The following MAPK6 variants were observed in gnomAD, a reference collection of about 807,000 sequenced individuals.
MAPK6 encodes the protein mitogen-activated protein kinase 6.
In MAPK6, 19 loss-of-function variants were observed where a neutral mutation model predicts 59.3. The ratio of observed to expected loss-of-function variants is 0.32; its 90% CI spans 0.22 to 0.47. The LOEUF is 0.47. Among genes scored for constraint, MAPK6 ranks in the 20% least tolerant of loss-of-function variants. The pLI, the probability that MAPK6 is intolerant of heterozygous loss-of-function variation, is 1.00. For missense variants in MAPK6, 724 were observed against 847.9 expected (o/e 0.85, Z 1.81); for synonymous variants, 316 against 290.3 (o/e 1.09, Z -0.90).
chr15:52,059,502 A>T (rs2032114745), intron 4 of MAPK6, among the ~76,000 whole-genome samples: 1 of 152,176 alleles, frequency 6.6e-6, no homozygotes, highest in African/African-American at 2.4e-5. Context: ...GGGTGTCTGC[A>T]TACCCTCTCT....
chr15:52,000,986 A>T (rs57550676), intron 2 of MAPK6, among the ~76,000 whole-genome samples: 16,860 of 152,012 alleles, frequency 0.11, 1,464 homozygotes, highest in East Asian at 0.43. Context: ...CTTGTTGAAA[A>T]TCCATTGCCC....
intron 2 of MAPK6, among the ~76,000 whole-genome samples, 173 bp downstream of exon 2, chr15:52,047,188 A>C (rs1174435183): frequency 3.3e-5 from 5 of 152,196 alleles, no homozygotes; most frequent in Non-Finnish European, 5.9e-5. Flanking sequence ...GAGTGGGATA[A>C]TTAAATACAA....
intron 1 of MAPK6, among the ~76,000 whole-genome samples, chr15:51,972,513 T>G (rs2057135933): frequency 8.4e-6 from 1 of 118,450 alleles, no homozygotes; most frequent in Non-Finnish European, 1.8e-5. Flanking sequence ...AACAAACAGC[T>G]TTTTTAAGCT....
At chr15:52,055,883 AAAAATAATTGGATTTGTTTTAAAACTCTT>A (rs1379521277) in intron 3 of MAPK6, among the ~76,000 whole-genome samples, 1 of 152,230 alleles carries the variant, frequency 6.6e-6, no homozygotes. Flanking sequence ...ATATAGGAAT[AAAAATAATTGGATTTGTTTTAAAACTCTT>A]AAGTAGCATA....
chr15:52,010,722 T>G (rs974804407), intron 3 of MAPK6, among the ~76,000 whole-genome samples: 4 of 152,112 alleles, frequency 2.6e-5, no homozygotes, highest in Non-Finnish European at 5.9e-5. Context: ...TTTTACCATG[T>G]TGGCTAGGCT....
At chr15:51,975,569 A>G (rs2141799582) in intron 1 of MAPK6, among the ~76,000 whole-genome samples, 1 of 152,052 alleles carries the variant, frequency 6.6e-6, no homozygotes, top group South Asian at 2.1e-4. Context: ...ATATACTTAC[A>G]CCAAATCACA....
At chr15:52,027,360 A>AAAAAAAAAT (rs2030837984) in intron 1 of MAPK6, among the ~76,000 whole-genome samples, 1 of 148,492 alleles carries the variant, frequency 6.7e-6, no homozygotes, top group South Asian at 2.1e-4. Context: ...AAAAAAAAAA[A>AAAAAAAAAT]AAAAAAAAGA....
At chr15:52,036,754 C>T (rs1035483191) in intron 1 of MAPK6, among the ~76,000 whole-genome samples, 6 of 152,108 alleles carry the variant, frequency 3.9e-5, no homozygotes, top group Non-Finnish European at 7.4e-5. Flanking sequence ...TTTTAAATCT[C>T]GCAAGCTTTC....
rs372041554 is a variant in MAPK6, at chr15:52,059,121, AGCT to A, written c.865+329_865+331del. Among the ~76,000 whole-genome samples, 451 of 152,308 alleles carry A rather than the reference AGCT, an allele frequency of 3.0e-3. 4 individuals are homozygous for A. The highest frequency in any genetic ancestry group is 0.01 in the African/African-American group (429 of 41,554). On this transcript the variant is annotated intron_variant, in intron 4 of 5. Coordinates refer to ENST00000261845, the MANE Select transcript of MAPK6 (RefSeq NM_002748.4). Reference sequence around the variant, plus strand: ...CCTGTAAATGCCTGGATAAAAAGAAAGCTGCTGTATTTAATTTCAGCCGGTTTT... The same window carrying A: ...CCTGTAAATGCCTGGATAAAAAGAAAGCTGTATTTAATTTCAGCCGGTTTT...
intron 1 of MAPK6, among the ~76,000 whole-genome samples, chr15:51,979,225 G>A (rs75955154): frequency 8.8e-4 from 95 of 108,208 alleles, no homozygotes; most frequent in African/African-American, 9.9e-4. Flanking sequence ...GAAAAAAAGA[G>A]AAAGAAAAGG....
At chr15:52,051,231 G>A (rs1448072146) in intron 3 of MAPK6, among the ~76,000 whole-genome samples, 2 of 152,040 alleles carry the variant, frequency 1.3e-5, no homozygotes, top group Non-Finnish European at 2.9e-5. Context: ...CTAATTTTTT[G>A]TATTTTTAGT....
At chr15:52,037,172 CTAT>C (rs1185238537) in intron 1 of MAPK6, among the ~76,000 whole-genome samples, 1 of 152,078 alleles carries the variant, frequency 6.6e-6, no homozygotes, top group East Asian at 1.9e-4. Context: ...TGGTGTGTGC[CTAT>C]AGTCCCAGCT....
At chr15:52,003,294 A>G (rs1404077015) in intron 2 of MAPK6, among the ~76,000 whole-genome samples, 1 of 152,012 alleles carries the variant, frequency 6.6e-6, no homozygotes, top group East Asian at 1.9e-4. Flanking sequence ...TCATCCAATC[A>G]CCTCCCACCA....
At chr15:52,020,729 A>T (rs1270428685) in intron 1 of MAPK6, among the ~76,000 whole-genome samples, 1 of 152,272 alleles carries the variant, frequency 6.6e-6, no homozygotes, top group African/African-American at 2.4e-5. Flanking sequence ...TTTAAAAAAT[A>T]ATTTTGAATT....
chr15:52,023,129 C>CGAAAAAAAAA (rs1566902322), intron 1 of MAPK6, among the ~76,000 whole-genome samples: 1 of 118,658 alleles, frequency 8.4e-6, no homozygotes, highest in Non-Finnish European at 1.7e-5. Flanking sequence ...AAAAAAAAAA[C>CGAAAAAAAAA]CGAAAAACAA....
At chr15:52,049,577 C>T (rs1015371953) in intron 2 of MAPK6, among the ~76,000 whole-genome samples, 1 of 151,422 alleles carries the variant, frequency 6.6e-6, no homozygotes, top group Admixed American at 6.6e-5. Context: ...ATCCACCTAC[C>T]TCGGCCTCCC....
At position 52,030,611 on chromosome 15, in the gene MAPK6, C is replaced by CTTTTTTTTTT. The variant is rs11295636; in HGVS notation, c.-632+11256_-632+11265dup. 2.5e-4 allele frequency among the ~76,000 whole-genome samples: 9 copies of CTTTTTTTTTT among 35,742 alleles called. 1 individual carries two copies. The highest frequency in any genetic ancestry group is 1.6e-3 in the South Asian group (1 of 610). 23.4% of individuals were successfully genotyped at this position (35,742 alleles called of 152,430 possible). On this transcript the variant is annotated intron_variant, in intron 1 of 5. Coordinates refer to ENST00000261845, the MANE Select transcript of MAPK6 (RefSeq NM_002748.4). ...TGTGTTTTAGTTATGCAGAAGAAGG[C>CTTTTTTTTTT]TTTTTTTTTTTTTTTTTTTTTTTTT...
intron 2 of MAPK6, among the ~76,000 whole-genome samples, chr15:51,991,634 A>C (rs578231413): frequency 5.9e-5 from 9 of 152,326 alleles, no homozygotes; most frequent in African/African-American, 2.2e-4. Flanking sequence ...TTAGAATATA[A>C]ATCAGAAAAG....
chr15:52,001,064 G>C (rs1248554088), intron 2 of MAPK6, among the ~76,000 whole-genome samples: 1 of 152,140 alleles, frequency 6.6e-6, no homozygotes, highest in Non-Finnish European at 1.5e-5. Flanking sequence ...TTAAGAGGTG[G>C]GGACTGTAAG....
Sources: gnomAD v4.1 joint callset for allele counts (sites outside exome capture counted in the v4.1 genomes callset) on GRCh38, gnomAD v4.1.1 for gene constraint, MANE v1.5 for transcripts, NCBI Gene and HGNC (gene_info 2026-07-23, HGNC 2026-07-21) for gene names.